The following TBC1D32 variants were observed in gnomAD, a reference collection of about 807,000 sequenced individuals.
TBC1D32 encodes the protein protein broad-minded.
TBC1D32 carries 151 observed loss-of-function variants against 170.3 expected under a neutral mutation model. The ratio of observed to expected loss-of-function variants is 0.89; its 90% CI spans 0.78 to 1.01. The LOEUF is 1.01. Ranked by LOEUF, TBC1D32 falls within the 50% of genes least tolerant of loss-of-function variation. TBC1D32 has a pLI of 0.00. For synonymous variants in TBC1D32, 498 were observed against 488.0 expected (o/e 1.02, Z -0.27); for missense variants, 1,464 against 1,457.1 (o/e 1.00, Z -0.08).
At chr6:121,204,928 T>C (rs1792036769) in intron 22 of TBC1D32, 147 bp downstream of exon 22, 1 of 470,766 alleles carries the variant, frequency 2.1e-6, no homozygotes. Flanking sequence ...ATTTACTTTG[T>C]TTATAATGTT....
chr6:121,254,282 G>T (rs1303766170), intron 17 of TBC1D32, among the ~76,000 whole-genome samples: 1 of 152,064 alleles, frequency 6.6e-6, no homozygotes, highest in Admixed American at 6.5e-5. Context: ...TACATATTGG[G>T]TACAGTGTAC....
In TBC1D32 at chr6:121,112,666, A is replaced by C. The variant is rs1779301096; in HGVS notation, c.3170-7T>G. On this transcript the variant is annotated splice_region_variant and splice_polypyrimidine_tract_variant and intron_variant, in intron 28 of 31. Coordinates refer to ENST00000398212, the MANE Select transcript of TBC1D32 (RefSeq NM_152730.6). ...TAATTCCCTTGCAGGCAGACTGAAA[A>C]ACACAGTTAAGAAAACTTTACAATA... The C allele has an allele frequency of 1.3e-6, 2 of 1,553,946 alleles. No homozygotes were observed. Among genetic ancestry groups the C allele is most frequent in the Non-Finnish European group, 8.7e-7 (1 of 1,155,218 alleles).
chr6:121,238,947 AGAG>A (rs1186957851), intron 20 of TBC1D32, 120 bp downstream of exon 20: 5 of 482,524 alleles, frequency 1.0e-5, no homozygotes, highest in Non-Finnish European at 7.4e-6. Context: ...AAAATTAAAA[AGAG>A]GAGAAATAAA....
chr6:121,129,735 T>C (rs1010080864), intron 25 of TBC1D32: 2 of 245,768 alleles, frequency 8.1e-6, no homozygotes, highest in African/African-American at 4.5e-5. Context: ...TCTGTAAGAC[T>C]TGATGACTAA....
At chr6:121,212,443 A>G (rs1382963275) in intron 21 of TBC1D32, among the ~76,000 whole-genome samples, 1 of 146,570 alleles carries the variant, frequency 6.8e-6, no homozygotes, top group Non-Finnish European at 1.5e-5. Context: ...ACTTCAGGTC[A>G]ATATCTCTTT....
At chr6:121,120,197 A>C (rs1780112766) in intron 26 of TBC1D32, among the ~76,000 whole-genome samples, 1 of 152,056 alleles carries the variant, frequency 6.6e-6, no homozygotes, top group African/African-American at 2.4e-5. Flanking sequence ...AGACTGGTGA[A>C]TAGCTTCAGC....
At chr6:121,245,598 A>G (rs77490077) in intron 17 of TBC1D32, among the ~76,000 whole-genome samples, 3,629 of 152,148 alleles carry the variant, frequency 0.024, 156 homozygotes, top group East Asian at 0.12. Context: ...TGGAGAAGGG[A>G]TCCTTGGTCC....
At chr6:121,208,442 T>G (rs960490338) in intron 21 of TBC1D32, among the ~76,000 whole-genome samples, 1 of 151,892 alleles carries the variant, frequency 6.6e-6, no homozygotes, top group South Asian at 2.1e-4. Flanking sequence ...AGAAGTCAGT[T>G]GCTATCATGA....
chr6:121,270,884 C>T (rs1340889326), intron 15 of TBC1D32, among the ~76,000 whole-genome samples: 1 of 152,028 alleles, frequency 6.6e-6, no homozygotes, highest in African/African-American at 2.4e-5. Context: ...CAAACCGAAT[C>T]CAGCAGCACA....
At chr6:121,119,226 T>G (rs1780013537) in intron 26 of TBC1D32, among the ~76,000 whole-genome samples, 8 of 152,198 alleles carry the variant, frequency 5.3e-5, no homozygotes, top group Admixed American at 5.2e-4. Flanking sequence ...GAAAAACTGT[T>G]TCTTTTATTT....
intron 22 of TBC1D32, among the ~76,000 whole-genome samples, chr6:121,173,408 C>T (rs997307578): frequency 6.6e-6 from 1 of 151,778 alleles, no homozygotes; most frequent in South Asian, 2.1e-4. Flanking sequence ...ATACTTGTAT[C>T]CTATTGGTTC....
intron 24 of TBC1D32, among the ~76,000 whole-genome samples, chr6:121,158,193 A>AAATTT (rs1457320778): frequency 6.6e-6 from 1 of 152,106 alleles, no homozygotes; most frequent in Admixed American, 6.6e-5. Context: ...TGTCACTTTT[A>AAATTT]AAAATTATTT....
intron 22 of TBC1D32, among the ~76,000 whole-genome samples, chr6:121,198,976 G>A (rs1437228342): frequency 6.6e-6 from 1 of 151,324 alleles, no homozygotes; most frequent in Non-Finnish European, 1.5e-5. Flanking sequence ...ATGGCACTTA[G>A]CAAAGACGCA....
At chr6:121,282,486 T>C (rs1253589928) in intron 13 of TBC1D32, among the ~76,000 whole-genome samples, 1 of 151,756 alleles carries the variant, frequency 6.6e-6, no homozygotes, top group East Asian at 1.9e-4. Context: ...GAAACTATTC[T>C]AACTTATGTT....
chr6:121,323,282 C>T (rs193004530), intron 1 of TBC1D32, among the ~76,000 whole-genome samples: 1 of 145,346 alleles, frequency 6.9e-6, no homozygotes, highest in Non-Finnish European at 1.5e-5. Context: ...ACTGCAGCAG[C>T]CTTCTTGTTT....
intron 31 of TBC1D32, among the ~76,000 whole-genome samples, chr6:121,086,883 T>G (rs1225331373): frequency 6.6e-6 from 1 of 152,206 alleles, no homozygotes; most frequent in Non-Finnish European, 1.5e-5. Flanking sequence ...GCGCTACAGA[T>G]GAGTTGAAAG....
At chr6:121,299,637 G>C in intron 9 of TBC1D32, 132 bp from the exon 10 acceptor site, 1 of 865,700 alleles carries the variant, frequency 1.2e-6, no homozygotes, top group Non-Finnish European at 1.7e-6. Context: ...GTCAATGACA[G>C]ACAGGTGTTT....
intron 25 of TBC1D32, 112 bp downstream of exon 25, chr6:121,131,515 G>T: frequency 8.7e-7 from 1 of 1,151,650 alleles, no homozygotes. Flanking sequence ...GCAAACTTCT[G>T]GATTTAGCAT....
chr6:121,326,970 C>T (rs1284945068), intron 1 of TBC1D32, among the ~76,000 whole-genome samples: 1 of 152,110 alleles, frequency 6.6e-6, no homozygotes, highest in African/African-American at 2.4e-5. Flanking sequence ...TTTAAATACT[C>T]ATCCAACAAT....
Sources: allele counts gnomAD v4.1 joint callset (sites outside exome capture counted in the v4.1 genomes callset), GRCh38; gene constraint gnomAD v4.1.1; transcripts MANE v1.5; gene names NCBI Gene and HGNC (gene_info 2026-07-23, HGNC 2026-07-21).